The following DNAJC11 variants were observed in gnomAD, a reference collection of about 807,000 sequenced individuals.
DNAJC11 encodes the protein dnaJ homolog subfamily C member 11.
A neutral mutation model predicts 78.6 loss-of-function variants in DNAJC11; 15 were observed. The observed-to-expected ratio is 0.19, with a 90% confidence interval of 0.13 to 0.29. The LOEUF (loss-of-function observed/expected upper bound fraction) is 0.29, where lower values mean the gene tolerates loss of function less well. Ranked by LOEUF, DNAJC11 falls within the 10% of genes least tolerant of loss-of-function variation. The pLI is 1.00. For synonymous variants in DNAJC11, 292 were observed against 272.1 expected (o/e 1.07, Z -0.72); for missense variants, 547 against 709.6 (o/e 0.77, Z 2.60).
intron 1 of DNAJC11, among the ~76,000 whole-genome samples, chr1:6,684,652 T>C: frequency 6.6e-6 from 1 of 152,192 alleles, no homozygotes; most frequent in East Asian, 1.9e-4. Flanking sequence ...ATTGGTCCTT[T>C]CATTAAAACT....
At chr1:6,682,410 A>G (rs897523462) in intron 1 of DNAJC11, among the ~76,000 whole-genome samples, 21 of 152,188 alleles carry the variant, frequency 1.4e-4, no homozygotes, top group African/African-American at 4.8e-4. Flanking sequence ...GAAGGACTCC[A>G]AGAGGAAGAC....
intron 3 of DNAJC11, among the ~76,000 whole-genome samples, chr1:6,677,158 C>CAAAAAAAAAAAAAAAAAAAAAAAAA (rs1181692411): frequency 2.0e-5 from 1 of 49,480 alleles, no homozygotes. Flanking sequence ...AACTTGGTCT[C>CAAAAAAAAAAAAAAAAAAAAAAAAA]AAAAAAAAAA....
chr1:6,652,194 T>C (rs542180719), intron 6 of DNAJC11, among the ~76,000 whole-genome samples: 1 of 152,300 alleles, frequency 6.6e-6, no homozygotes, highest in East Asian at 1.9e-4. Flanking sequence ...CTCAATTTGC[T>C]CGGCAGAACT....
intron 1 of DNAJC11, among the ~76,000 whole-genome samples, chr1:6,696,439 G>T (rs1399837063): frequency 6.6e-6 from 1 of 152,072 alleles, no homozygotes; most frequent in Admixed American, 6.6e-5. Context: ...CTTCTTTGTG[G>T]GTGACTTTGA....
intron 1 of DNAJC11, among the ~76,000 whole-genome samples, chr1:6,692,394 C>T (rs1260534601): frequency 3.3e-5 from 5 of 151,592 alleles, no homozygotes; most frequent in African/African-American, 1.2e-4. Context: ...GCTCTGCCTC[C>T]TCTCTGCTTG....
chr1:6,669,844 CTGCCCATCCA>C (rs1229167066), intron 3 of DNAJC11, among the ~76,000 whole-genome samples: 1 of 152,190 alleles, frequency 6.6e-6, no homozygotes, highest in African/African-American at 2.4e-5. Flanking sequence ...AAAGCAGATT[CTGCCCATCCA>C]TGGGAGAAAC....
At chr1:6,691,765 T>C (rs982263660) in intron 1 of DNAJC11, among the ~76,000 whole-genome samples, 3 of 152,200 alleles carry the variant, frequency 2.0e-5, no homozygotes, top group African/African-American at 4.8e-5. Context: ...CAGATTTTCA[T>C]CTCGAAGGAG....
intron 4 of DNAJC11, among the ~76,000 whole-genome samples, chr1:6,659,107 C>G (rs1353508668): frequency 6.6e-6 from 1 of 152,226 alleles, no homozygotes; most frequent in Non-Finnish European, 1.5e-5. Context: ...CCAACTTGCT[C>G]AATGTTCCTT....
intron 1 of DNAJC11, among the ~76,000 whole-genome samples, chr1:6,687,219 TAA>T (rs1642669423): frequency 6.6e-6 from 1 of 151,874 alleles, no homozygotes; most frequent in South Asian, 2.1e-4. Flanking sequence ...CTGATTATAC[TAA>T]GAGACCAAGC....
intron 6 of DNAJC11, 143 bp from the exon 7 acceptor site, chr1:6,651,745 T>G: frequency 3.1e-6 from 2 of 654,932 alleles, no homozygotes; most frequent in East Asian, 2.8e-5. Flanking sequence ...GGTGGAAGAT[T>G]GTTAATGTCT....
chr1:6,657,860 T>C (rs999282135), intron 4 of DNAJC11, among the ~76,000 whole-genome samples: 2 of 152,204 alleles, frequency 1.3e-5, no homozygotes, highest in African/African-American at 2.4e-5. Flanking sequence ...TTAGCCAGGA[T>C]GGTCTCGATC....
At chr1:6,694,541 C>T (rs1028637295) in intron 1 of DNAJC11, among the ~76,000 whole-genome samples, 2 of 152,150 alleles carry the variant, frequency 1.3e-5, no homozygotes, top group Non-Finnish European at 2.9e-5. Context: ...AATTCACTGG[C>T]TTTGTATGCG....
chr1:6,664,271 ACT>A (rs1158120375), intron 4 of DNAJC11, among the ~76,000 whole-genome samples: 13 of 143,866 alleles, frequency 9.0e-5, no homozygotes, highest in Non-Finnish European at 1.7e-4. Context: ...ACAGAGTCTC[ACT>A]CTGTGGCCCA....
rs750202031 is a variant in DNAJC11 at position 6,634,512 on chromosome 1, C to A, written c.*1163G>T. The A allele has an allele frequency of 4.4e-6, 6 of 1,353,670 alleles. No individual in the cohort carries two copies. In the South Asian group the frequency reaches 7.0e-5, roughly 16 times the overall value. The allele number at this position is 1,353,670 out of a possible 1,614,324, so 83.9% of individuals were successfully genotyped here. A position where few individuals can be genotyped will look rare whatever the true frequency, so the allele number is the denominator to read the frequency against. ...GGAGGCCGGCGCAGCTTGGGGCCCC[C>A]CGCGCCAGCTGTCTCAGCCACCACC... On this transcript the variant is annotated 3_prime_UTR_variant, in exon 16 of 16. Coordinates refer to ENST00000377577, the MANE Select transcript of DNAJC11 (RefSeq NM_018198.4).
chr1:6,660,459 A>G (rs1384870995), intron 4 of DNAJC11, among the ~76,000 whole-genome samples: 1 of 152,094 alleles, frequency 6.6e-6, no homozygotes, highest in Non-Finnish European at 1.5e-5. Flanking sequence ...CCCAGTCTTA[A>G]TATATAATTT....
chr1:6,643,762 T>C (rs927188291), intron 10 of DNAJC11, among the ~76,000 whole-genome samples: 1 of 152,174 alleles, frequency 6.6e-6, no homozygotes, highest in African/African-American at 2.4e-5. Context: ...GCTGCTAGGA[T>C]GCATCCTGTG....
At chr1:6,671,117 A>G (rs919305212) in intron 3 of DNAJC11, among the ~76,000 whole-genome samples, 47 of 152,364 alleles carry the variant, frequency 3.1e-4, no homozygotes, top group African/African-American at 1.1e-3. Context: ...AAGGAGGTCT[A>G]AGTGTGAGGC....
chr1:6,685,652 T>C (rs1570310039), intron 1 of DNAJC11, among the ~76,000 whole-genome samples: 1 of 152,216 alleles, frequency 6.6e-6, no homozygotes. Context: ...TTTACATAAA[T>C]GGACCTGACT....
In DNAJC11 at chr1:6,645,197, T is replaced by A; in HGVS notation, c.895-71A>T. Reference sequence around the variant, plus strand: ...TCTGTGGGGAGATGGGTATCTGCCCTCCCACTAGCTCTGGGCATCTGCTGC... The same window carrying A: ...TCTGTGGGGAGATGGGTATCTGCCCACCCACTAGCTCTGGGCATCTGCTGC... On this transcript the variant is annotated intron_variant, in intron 8 of 15. Coordinates refer to ENST00000377577, the MANE Select transcript of DNAJC11 (RefSeq NM_018198.4). This position sits in a 1 kb window ranked among gnomAD's most constrained non-coding sequence, Gnocchi z 4.1. The A allele has an allele frequency of 5.0e-6, 6 of 1,197,010 alleles. No individual in the cohort carries two copies. Among genetic ancestry groups the A allele is most frequent in the Non-Finnish European group, 6.2e-6 (5 of 806,464 alleles). 74.1% of individuals were successfully genotyped at this position (1,197,010 alleles called of 1,614,324 possible).
Sources: allele counts gnomAD v4.1 joint callset (sites outside exome capture counted in the v4.1 genomes callset), GRCh38; gene constraint gnomAD v4.1.1; non-coding constraint Gnocchi (gnomAD v3.1); transcripts MANE v1.5; gene names NCBI Gene and HGNC (gene_info 2026-07-23, HGNC 2026-07-21).